The following KHDRBS2 variants were observed in gnomAD, a reference collection of about 807,000 sequenced individuals.
KHDRBS2 encodes KH RNA binding domain containing, signal transduction associated 2.
Under a neutral mutation model 44.3 loss-of-function variants are expected in KHDRBS2, and 26 were observed. The ratio of observed to expected loss-of-function variants is 0.59; its 90% CI spans 0.43 to 0.81. KHDRBS2 has a LOEUF of 0.81. KHDRBS2 is among the 40% of genes least tolerant of loss of function. KHDRBS2 has a pLI of 0.00. For missense variants in KHDRBS2, 476 were observed against 433.1 expected (o/e 1.10, Z -0.88); for synonymous variants, 194 against 151.1 (o/e 1.28, Z -2.08).
chr6:62,152,853 T>A (rs1255196163), intron 2 of KHDRBS2, among the ~76,000 whole-genome samples: 3 of 152,202 alleles, frequency 2.0e-5, no homozygotes, highest in African/African-American at 7.2e-5. Context: ...CCTCAGGGAC[T>A]ATAACTTAGA....
At chr6:62,041,710 G>T (rs1407428094) in intron 3 of KHDRBS2, among the ~76,000 whole-genome samples, 1 of 151,996 alleles carries the variant, frequency 6.6e-6, no homozygotes, top group South Asian at 2.1e-4. Flanking sequence ...CCAAGGAGCA[G>T]GTCTTAATTA....
chr6:62,061,072 A>C (rs910989692), intron 2 of KHDRBS2, among the ~76,000 whole-genome samples: 43 of 151,878 alleles, frequency 2.8e-4, no homozygotes, highest in African/African-American at 9.9e-4. Flanking sequence ...TGTGTCTCTG[A>C]AAGTTAGATG....
chr6:61,878,565 C>A (rs528634573), intron 6 of KHDRBS2, among the ~76,000 whole-genome samples: 1 of 152,154 alleles, frequency 6.6e-6, no homozygotes, highest in African/African-American at 2.4e-5. Flanking sequence ...TGCTGTTCTG[C>A]TGCTGGTTGC....
At chr6:61,732,986 G>A (rs891020280) in intron 6 of KHDRBS2, among the ~76,000 whole-genome samples, 1 of 152,090 alleles carries the variant, frequency 6.6e-6, no homozygotes, top group African/African-American at 2.4e-5. Flanking sequence ...CATTGAAGCA[G>A]CAATACCTAC....
intron 6 of KHDRBS2, among the ~76,000 whole-genome samples, chr6:61,819,586 T>C (rs1789548743): frequency 1.3e-5 from 2 of 152,164 alleles, no homozygotes; most frequent in East Asian, 3.9e-4. Flanking sequence ...CTTTCTGAGA[T>C]AAAATGAGGT....
At chr6:61,890,970 G>A (rs934120962) in intron 6 of KHDRBS2, among the ~76,000 whole-genome samples, 1 of 152,142 alleles carries the variant, frequency 6.6e-6, no homozygotes, top group Non-Finnish European at 1.5e-5. Flanking sequence ...TTCCTAAAAG[G>A]AATACATGCT....
At chr6:62,256,415 G>T (rs1305811312) in intron 1 of KHDRBS2, among the ~76,000 whole-genome samples, 1 of 151,922 alleles carries the variant, frequency 6.6e-6, no homozygotes. Context: ...ATCATGGGGG[G>T]TGAGTCTTTC....
intron 2 of KHDRBS2, among the ~76,000 whole-genome samples, chr6:62,096,343 C>G (rs1023860642): frequency 2.6e-5 from 4 of 151,802 alleles, no homozygotes; most frequent in Admixed American, 2.0e-4. Flanking sequence ...AGCAGTGAAG[C>G]CTTCTGGTCC....
chr6:61,699,719 A>G (rs1443579413), intron 7 of KHDRBS2, among the ~76,000 whole-genome samples: 1 of 152,066 alleles, frequency 6.6e-6, no homozygotes, highest in South Asian at 2.1e-4. Flanking sequence ...TATATATCAG[A>G]GATAAAAAGA....
chr6:61,740,207 A>G (rs1329570897), intron 6 of KHDRBS2, among the ~76,000 whole-genome samples: 1 of 151,942 alleles, frequency 6.6e-6, no homozygotes, highest in African/African-American at 2.4e-5. Flanking sequence ...TTCAAGATAA[A>G]TAAATGTTTT....
chr6:62,045,919 A>G (rs1374837218), intron 3 of KHDRBS2, among the ~76,000 whole-genome samples: 1 of 148,300 alleles, frequency 6.7e-6, no homozygotes, highest in South Asian at 2.1e-4. Context: ...GAAAGTTAAG[A>G]CCTTATCATT....
chr6:62,085,041 C>T (rs572766658), intron 2 of KHDRBS2, among the ~76,000 whole-genome samples: 37 of 152,156 alleles, frequency 2.4e-4, no homozygotes, highest in African/African-American at 8.4e-4. Flanking sequence ...AAATTATCTG[C>T]ACAATAGTAA....
chr6:62,133,798 G>A (rs557142274), intron 2 of KHDRBS2, among the ~76,000 whole-genome samples: 1 of 152,128 alleles, frequency 6.6e-6, no homozygotes, highest in Non-Finnish European at 1.5e-5. Flanking sequence ...GAGTAAAGGT[G>A]ACTCTTGCTA....
At chr6:62,244,920 T>A (rs1835295765) in intron 1 of KHDRBS2, among the ~76,000 whole-genome samples, 1 of 152,120 alleles carries the variant, frequency 6.6e-6, no homozygotes, top group African/African-American at 2.4e-5. Context: ...ACCTCAGGGC[T>A]GTGGTACCCT....
At chr6:62,134,777 T>C (rs1254505888) in intron 2 of KHDRBS2, among the ~76,000 whole-genome samples, 1 of 152,188 alleles carries the variant, frequency 6.6e-6, no homozygotes, top group Non-Finnish European at 1.5e-5. Context: ...TGCTTTAAGA[T>C]TTGACTCCCC....
intron 8 of KHDRBS2, among the ~76,000 whole-genome samples, chr6:61,683,449 C>T (rs1205872824): frequency 1.3e-5 from 2 of 151,678 alleles, no homozygotes; most frequent in Non-Finnish European, 1.5e-5. Flanking sequence ...AAATTCAATG[C>T]CTAGTTAGGG....
chr6:61,627,033 C>G, the KHDRBS2 span, among the ~76,000 whole-genome samples: 3 of 151,814 alleles, frequency 2.0e-5, no homozygotes, highest in African/African-American at 7.3e-5. Context: ...GCGGGAGGAT[C>G]ACGAGGTCAG....
chr6:61,783,853 T>C (rs1783404002), intron 6 of KHDRBS2, among the ~76,000 whole-genome samples: 1 of 152,048 alleles, frequency 6.6e-6, no homozygotes, highest in South Asian at 2.1e-4. Flanking sequence ...ACTGTTGTAT[T>C]AGGAGAAAAA....
intron 4 of KHDRBS2, among the ~76,000 whole-genome samples, chr6:61,932,420 T>C (rs1810236002): frequency 6.6e-6 from 1 of 152,182 alleles, no homozygotes; most frequent in South Asian, 2.1e-4. Context: ...CCAACATCTC[T>C]CTCTCCGCTA....
Sources: allele counts gnomAD v4.1 joint callset (sites outside exome capture counted in the v4.1 genomes callset), GRCh38; gene constraint gnomAD v4.1.1; transcripts MANE v1.5; gene names NCBI Gene and HGNC (gene_info 2026-07-23, HGNC 2026-07-21).